The following NRXN3 variants were observed in gnomAD, a reference collection of about 807,000 sequenced individuals.
NRXN3 encodes neurexin III.
NRXN3 carries 32 observed loss-of-function variants against 137.6 expected under a neutral mutation model. That is an observed-to-expected ratio of 0.23 (90% CI 0.18 to 0.31). NRXN3 has a LOEUF of 0.31. Among genes scored for constraint, NRXN3 ranks in the 10% least tolerant of loss-of-function variants. The pLI, the probability that NRXN3 is intolerant of heterozygous loss-of-function variation, is 1.00. For missense variants in NRXN3, 1,574 were observed against 2,062.5 expected (o/e 0.76, Z 4.59); for synonymous variants, 798 against 784.5 (o/e 1.02, Z -0.29).
At chr14:78,586,616 G>T (rs1378005640) in intron 4 of NRXN3, among the ~76,000 whole-genome samples, 1 of 152,100 alleles carries the variant, frequency 6.6e-6, no homozygotes, top group African/African-American at 2.4e-5. Flanking sequence ...GATGTTTGAG[G>T]ATTAGCCCCA....
At chr14:78,207,083 C>T (rs10131994) in intron 1 of NRXN3, among the ~76,000 whole-genome samples, 7 of 151,822 alleles carry the variant, frequency 4.6e-5, no homozygotes, top group African/African-American at 1.2e-4. Flanking sequence ...AGGCTGGTCT[C>T]GAACTCCTGA....
intron 15 of NRXN3, among the ~76,000 whole-genome samples, chr14:79,444,435 T>G (rs1291817493): frequency 6.6e-6 from 1 of 152,176 alleles, no homozygotes; most frequent in Non-Finnish European, 1.5e-5. Flanking sequence ...CTTGGATAAG[T>G]TTAATATGAT....
chr14:79,014,820 A>T (rs1012321694), intron 15 of NRXN3, among the ~76,000 whole-genome samples: 8 of 151,956 alleles, frequency 5.3e-5, no homozygotes, highest in Admixed American at 5.2e-4. Context: ...TGTCCCTTGG[A>T]TGGATTTTTG....
chr14:78,963,934 A>T (rs1567837018), intron 11 of NRXN3, among the ~76,000 whole-genome samples: 1 of 149,524 alleles, frequency 6.7e-6, no homozygotes, highest in African/African-American at 2.4e-5. Context: ...CCTGGCTAAT[A>T]TTTTTTTTTT....
intron 15 of NRXN3, among the ~76,000 whole-genome samples, chr14:79,119,807 T>C (rs1883577238): frequency 6.6e-6 from 1 of 152,190 alleles, no homozygotes. Context: ...TTTACTGTTT[T>C]CTACTTATCC....
chr14:79,740,248 T>C (rs1253063031), intron 19 of NRXN3, among the ~76,000 whole-genome samples: 1 of 152,120 alleles, frequency 6.6e-6, no homozygotes, highest in Non-Finnish European at 1.5e-5. Flanking sequence ...CTAATCTCTC[T>C]TCTGAAGTAT....
At chr14:79,197,665 A>G (rs546430665) in intron 15 of NRXN3, among the ~76,000 whole-genome samples, 11 of 152,170 alleles carry the variant, frequency 7.2e-5, no homozygotes, top group African/African-American at 2.4e-4. Context: ...AACCCAAGCC[A>G]GGCATCCGCT....
At chr14:79,790,836 G>A (rs1489971143) in intron 19 of NRXN3, among the ~76,000 whole-genome samples, 4 of 151,920 alleles carry the variant, frequency 2.6e-5, no homozygotes, top group African/African-American at 7.3e-5. Flanking sequence ...GGCCAGGTGG[G>A]TCTTGAACTC....
intron 6 of NRXN3, among the ~76,000 whole-genome samples, chr14:78,684,222 A>G (rs2152750317): frequency 6.6e-6 from 1 of 152,274 alleles, no homozygotes; most frequent in South Asian, 2.1e-4. Flanking sequence ...CAAGTATTAC[A>G]GGCAGGCCCT....
chr14:78,371,539 CT>C (rs1219160001), intron 4 of NRXN3, among the ~76,000 whole-genome samples: 1 of 152,202 alleles, frequency 6.6e-6, no homozygotes, highest in Non-Finnish European at 1.5e-5. Flanking sequence ...GTCACACTGA[CT>C]CTTCACTGAG....
chr14:79,461,378 C>T (rs1456248926), intron 15 of NRXN3, among the ~76,000 whole-genome samples: 2 of 152,114 alleles, frequency 1.3e-5, no homozygotes, highest in African/African-American at 4.8e-5. Context: ...GAAGAGGCAT[C>T]AGATGAGACA....
intron 15 of NRXN3, among the ~76,000 whole-genome samples, chr14:79,181,410 C>T (rs374209776): frequency 1.8e-4 from 27 of 151,984 alleles, no homozygotes; most frequent in African/African-American, 5.8e-4. Context: ...TGGCTGGGCA[C>T]GGTGGCTCAC....
rs221470 is a variant in NRXN3, at chr14:79,639,395, G to A, written c.3445-24383G>A. ...CCTCTACCCTCAAGTAGACCTCAGT[G>A]TCTGTTGTTCCTTTCTTTGTGTTGA... On this transcript the variant is annotated intron_variant, in intron 16 of 20. Coordinates refer to ENST00000335750, the MANE Select transcript of NRXN3 (RefSeq NM_001330195.2). Among the ~76,000 whole-genome samples the A allele has an allele frequency of 7.1e-3, 1,076 of 151,830 alleles. 12 individuals carry two copies. Among genetic ancestry groups the A allele is most frequent in the African/African-American group, 0.024 (996 of 41,428 alleles).
intron 15 of NRXN3, among the ~76,000 whole-genome samples, chr14:79,403,432 G>A (rs1599777664): frequency 6.6e-6 from 1 of 152,264 alleles, no homozygotes. Context: ...GAGAGAAAGA[G>A]CAGGACCTCC....
At chr14:79,527,680 C>G (rs2097133243) in intron 16 of NRXN3, among the ~76,000 whole-genome samples, 2 of 151,818 alleles carry the variant, frequency 1.3e-5, no homozygotes, top group Non-Finnish European at 1.5e-5. Flanking sequence ...CAAGCCCAGC[C>G]TGGCCAACAT....
chr14:79,648,516 A>C lies in NRXN3; in HGVS notation c.3445-15262A>C, dbSNP rs559383308. Among the ~76,000 whole-genome samples the C allele has an allele frequency of 2.6e-4, 36 of 136,278 alleles. 2 individuals carry two copies. The highest frequency in any genetic ancestry group is 7.6e-4 in the African/African-American group (31 of 40,962). The allele number at this position is 136,278 out of a possible 152,430, so 89.4% of individuals were successfully genotyped here. ...CTTATGTGAGCACTCGATCCAGCATAAAGTCTCTGAATTTGTAAGTTCTGT... is the reference window on the plus strand; with the variant it reads ...CTTATGTGAGCACTCGATCCAGCATCAAGTCTCTGAATTTGTAAGTTCTGT... On this transcript the variant is annotated intron_variant, in intron 16 of 20. Coordinates refer to ENST00000335750, the MANE Select transcript of NRXN3 (RefSeq NM_001330195.2).
chr14:78,811,546 T>C (rs1479292734), intron 10 of NRXN3, among the ~76,000 whole-genome samples: 1 of 152,252 alleles, frequency 6.6e-6, no homozygotes, highest in Admixed American at 6.5e-5. Flanking sequence ...ACTGGATTAG[T>C]TGATATCTAG....
chr14:79,811,158 T>C (rs1035618839), intron 20 of NRXN3, among the ~76,000 whole-genome samples: 3 of 152,208 alleles, frequency 2.0e-5, no homozygotes, highest in African/African-American at 7.2e-5. Context: ...CTCATAGGAA[T>C]GTTGGAGTAT....
intron 4 of NRXN3, among the ~76,000 whole-genome samples, chr14:78,609,291 GA>G (rs112262413): frequency 1.7e-4 from 25 of 146,634 alleles, no homozygotes; most frequent in Middle Eastern, 3.5e-3. Flanking sequence ...TAACCTCCAT[GA>G]AAAAAAAAAG....
Sources: gnomAD v4.1 joint callset for allele counts (sites outside exome capture counted in the v4.1 genomes callset) on GRCh38, gnomAD v4.1.1 for gene constraint, MANE v1.5 for transcripts, NCBI Gene and HGNC (gene_info 2026-07-23, HGNC 2026-07-21) for gene names.